Variants in HERC1 observed in about 807,000 individuals in gnomAD.
The protein encoded by HERC1 is HECT and RLD domain containing E3 ubiquitin protein ligase family member 1, also known as probable E3 ubiquitin-protein ligase HERC1.
HERC1 carries 160 observed loss-of-function variants against 554.3 expected under a neutral mutation model. The observed-to-expected ratio is 0.29, with a 90% confidence interval of 0.25 to 0.33. HERC1 has a LOEUF of 0.33. Among genes scored for constraint, HERC1 ranks in the 10% least tolerant of loss-of-function variants. The pLI is 1.00. For missense variants in HERC1, 4,919 were observed against 5,918.5 expected, an observed-to-expected ratio of 0.83 and a Z score of 5.54; for synonymous variants, 2,175 against 2,131.7, an observed-to-expected ratio of 1.02 and a Z score of -0.56.
chr15:63,832,916 G>A (rs538526199), intron 1 of HERC1, among the ~76,000 whole-genome samples: 2 of 152,298 alleles, frequency 1.3e-5, no homozygotes, highest in Admixed American at 6.5e-5. Flanking sequence ...GGGTTAGTTT[G>A]TTCAGATTTG....
intron 1 of HERC1, among the ~76,000 whole-genome samples, chr15:63,801,820 C>G (rs1300451192): frequency 1.3e-5 from 2 of 152,166 alleles, no homozygotes; most frequent in African/African-American, 4.8e-5. Context: ...TCTTCATGTA[C>G]ATACATTTTT....
intron 1 of HERC1, among the ~76,000 whole-genome samples, chr15:63,776,638 A>G (rs1004152731): frequency 6.6e-6 from 1 of 152,180 alleles, no homozygotes; most frequent in Non-Finnish European, 1.5e-5. Flanking sequence ...CTATGTCTCA[A>G]TACTGGTGTG....
At chr15:63,626,271 C>G in intron 70 of HERC1, 117 bp from the exon 71 acceptor site, 1 of 926,390 alleles carries the variant, frequency 1.1e-6, no homozygotes, top group East Asian at 2.7e-5. Context: ...GACACCCATT[C>G]AAACCTCTAT....
intron 1 of HERC1, among the ~76,000 whole-genome samples, chr15:63,790,625 T>C (rs1278651086): frequency 6.9e-6 from 1 of 145,634 alleles, no homozygotes; most frequent in African/African-American, 2.5e-5. Flanking sequence ...ACTAGAATAA[T>C]AGACACCCAA....
chr15:63,776,292 C>T (rs568004426), intron 1 of HERC1, among the ~76,000 whole-genome samples: 3 of 152,252 alleles, frequency 2.0e-5, no homozygotes, highest in Admixed American at 2.0e-4. Context: ...AAACTGAGCT[C>T]CTATTCTACC....
At chr15:63,644,367 T>C (rs989953177) in intron 57 of HERC1, among the ~76,000 whole-genome samples, 2 of 152,222 alleles carry the variant, frequency 1.3e-5, no homozygotes, top group Non-Finnish European at 2.9e-5. Context: ...TGTTTAATAT[T>C]GGGAGATTTT....
intron 3 of HERC1, among the ~76,000 whole-genome samples, chr15:63,760,199 C>T (rs2075561389): frequency 6.6e-6 from 1 of 151,756 alleles, no homozygotes; most frequent in South Asian, 2.1e-4. Context: ...GGGGAACAAA[C>T]TGGAAAACGA....
At chr15:63,732,810 GGA>G (rs1298416624) in intron 14 of HERC1, 112 bp downstream of exon 14, 4 of 677,504 alleles carry the variant, frequency 5.9e-6, no homozygotes, top group Non-Finnish European at 1.0e-5. Flanking sequence ...TCCCCTTGGG[GGA>G]GAGGGGTCTA....
At chr15:63,800,852 T>C (rs1030195385) in intron 1 of HERC1, among the ~76,000 whole-genome samples, 1 of 151,298 alleles carries the variant, frequency 6.6e-6, no homozygotes, top group African/African-American at 2.4e-5. Context: ...GGCCCTTAGA[T>C]AGCTTCAGGA....
chr15:63,717,185 GA>G (rs1237036756), intron 21 of HERC1, among the ~76,000 whole-genome samples: 1 of 152,120 alleles, frequency 6.6e-6, no homozygotes, highest in African/African-American at 2.4e-5. Flanking sequence ...CAGAGATGGG[GA>G]TACAGAGTAG....
chr15:63,643,183 C>A, intron 58 of HERC1, 125 bp from the exon 59 acceptor site: 1 of 835,582 alleles, frequency 1.2e-6, no homozygotes, highest in Non-Finnish European at 1.9e-6. Flanking sequence ...TCAGCAACGT[C>A]CAATCACATA....
intron 76 of HERC1, among the ~76,000 whole-genome samples, chr15:63,614,956 T>C (rs1428658789): frequency 6.6e-6 from 1 of 152,244 alleles, no homozygotes; most frequent in Non-Finnish European, 1.5e-5. Context: ...AGGAAAAAGA[T>C]CACAGGTTGG....
At chr15:63,795,919 G>A (rs2076799195) in intron 1 of HERC1, among the ~76,000 whole-genome samples, 1 of 152,218 alleles carries the variant, frequency 6.6e-6, no homozygotes, top group Admixed American at 6.5e-5. Context: ...GCTGAGAAAG[G>A]TAAAAATACC....
At chr15:63,658,153 C>T (rs776949298) in intron 48 of HERC1, among the ~76,000 whole-genome samples, 1 of 152,164 alleles carries the variant, frequency 6.6e-6, no homozygotes, top group East Asian at 1.9e-4. Context: ...CCCCTTTTTA[C>T]ATTACACTCC....
chr15:63,665,261 C>T lies in HERC1; in HGVS notation c.8555+658G>A, dbSNP rs557714244. Among the ~76,000 whole-genome samples the T allele has an allele frequency of 8.5e-5, 13 of 152,280 alleles. No homozygotes were observed. The South Asian group carries it at 1.7e-3, about 19-fold the overall frequency. The stretch of plus-strand genomic sequence containing the variant: ...TAAAAGTTCAATTCTAGGCCAGGAA[C>T]GGTGGCTCATGCCTGTAATCCCAGC... On this transcript the variant is annotated intron_variant, in intron 42 of 77. Transcript: ENST00000443617.
intron 74 of HERC1, among the ~76,000 whole-genome samples, chr15:63,617,883 T>A (rs1026095124): frequency 2.7e-4 from 41 of 152,206 alleles, no homozygotes; most frequent in African/African-American, 9.7e-4. Flanking sequence ...GTGTTGGAGT[T>A]CATTGTAGAT....
At chr15:63,746,868 C>CA (rs1228385770) in intron 12 of HERC1, 50 bp downstream of exon 12, 42 of 1,478,246 alleles carry the variant, frequency 2.8e-5, no homozygotes, top group Non-Finnish European at 3.7e-5. Context: ...GCTAAAATCT[C>CA]AGAGAAAGAC....
intron 1 of HERC1, among the ~76,000 whole-genome samples, chr15:63,795,791 ACTGGCTGGAAC>A (rs2076794849): frequency 6.6e-6 from 1 of 152,208 alleles, no homozygotes; most frequent in South Asian, 2.1e-4. Flanking sequence ...TCCAGTTTCC[ACTGGCTGGAAC>A]GGGACCTGAC....
At chr15:63,767,812 TA>T (rs2075830364) in intron 2 of HERC1, among the ~76,000 whole-genome samples, 1 of 152,224 alleles carries the variant, frequency 6.6e-6, no homozygotes, top group South Asian at 2.1e-4. Context: ...TTTTGTCATC[TA>T]ACAAGTTCTC....
Sources: gnomAD v4.1 joint callset for allele counts (sites outside exome capture counted in the v4.1 genomes callset) on GRCh38, gnomAD v4.1.1 for gene constraint, MANE v1.5 for transcripts, NCBI Gene and HGNC (gene_info 2026-07-23, HGNC 2026-07-21) for gene names.